Variants in PPP1R9A observed in about 807,000 individuals in gnomAD.
PPP1R9A encodes protein phosphatase 1 regulatory subunit 9A.
PPP1R9A carries 59 observed loss-of-function variants against 141.9 expected under a neutral mutation model. That is an observed-to-expected ratio of 0.42 (90% CI 0.34 to 0.52). The LOEUF (loss-of-function observed/expected upper bound fraction) is 0.52. PPP1R9A is among the 20% of genes least tolerant of loss of function. The pLI is 0.10. For missense variants in PPP1R9A, 1,444 were observed against 1,611.9 expected (o/e 0.90, Z 1.78); for synonymous variants, 500 against 569.7 (o/e 0.88, Z 1.74).
At chr7:95,021,072 C>G (rs998622876) in intron 2 of PPP1R9A, among the ~76,000 whole-genome samples, 3 of 152,200 alleles carry the variant, frequency 2.0e-5, no homozygotes, top group African/African-American at 7.2e-5. Flanking sequence ...AATGGTTGAA[C>G]TAATTTACAC....
chr7:94,938,567 T>C (rs947898945), intron 2 of PPP1R9A, among the ~76,000 whole-genome samples: 8 of 152,158 alleles, frequency 5.3e-5, no homozygotes, highest in African/African-American at 1.7e-4. Flanking sequence ...CTAGCTCTTA[T>C]CTTTTTTTTC....
At chr7:95,148,318 G>GA (rs1828012857) in intron 4 of PPP1R9A, among the ~76,000 whole-genome samples, 1 of 151,758 alleles carries the variant, frequency 6.6e-6, no homozygotes, top group African/African-American at 2.4e-5. Context: ...ACCAGGCTAA[G>GA]AAAAAAAGAG....
chr7:95,092,527 G>A (rs924231901), intron 2 of PPP1R9A, among the ~76,000 whole-genome samples: 2 of 152,250 alleles, frequency 1.3e-5, no homozygotes, highest in Middle Eastern at 6.8e-3. Flanking sequence ...ATCTTGAACA[G>A]CTGTTTGAAT....
chr7:94,937,103 A>G (rs535455258), intron 2 of PPP1R9A, among the ~76,000 whole-genome samples: 12 of 152,168 alleles, frequency 7.9e-5, no homozygotes, highest in African/African-American at 2.9e-4. Flanking sequence ...ATTGATGGAT[A>G]TTAGATTATT....
intron 2 of PPP1R9A, among the ~76,000 whole-genome samples, chr7:94,934,428 C>T (rs1794520290): frequency 6.6e-6 from 1 of 152,098 alleles, no homozygotes; most frequent in Non-Finnish European, 1.5e-5. Context: ...GAGAGCTTCT[C>T]AACCTTTATT....
chr7:95,184,973 G>A (rs1585134093), intron 5 of PPP1R9A, among the ~76,000 whole-genome samples: 1 of 150,466 alleles, frequency 6.6e-6, no homozygotes, highest in East Asian at 1.9e-4. Context: ...TCTTTTGTCT[G>A]TGTAGCTACC....
At chr7:94,913,414 A>C (rs1791689029) in intron 2 of PPP1R9A, among the ~76,000 whole-genome samples, 1 of 152,196 alleles carries the variant, frequency 6.6e-6, no homozygotes, top group African/African-American at 2.4e-5. Flanking sequence ...GCAAATAATG[A>C]AACATTACCT....
rs569049887 is a variant in PPP1R9A at position 95,290,386 on chromosome 7, A to C, written c.*83A>C. 1 of 1,412,252 alleles carries C rather than the reference A, an allele frequency of 7.1e-7. No individual in the cohort carries two copies. The highest frequency in any genetic ancestry group is 9.5e-7 in the Non-Finnish European group (1 of 1,051,762). 87.5% of individuals were successfully genotyped at this position (1,412,252 alleles called of 1,614,324 possible). ...CCCTGCTCTCCTCCAGAGGATGAAA[A>C]AGAAACTAAATGATAAGGGTAATGC... On this transcript the variant is annotated 3_prime_UTR_variant, in exon 20 of 20. Coordinates refer to ENST00000433360, the MANE Select transcript of PPP1R9A (RefSeq NM_001166160.2).
intron 5 of PPP1R9A, among the ~76,000 whole-genome samples, chr7:95,187,877 A>G (rs186332904): frequency 2.4e-4 from 36 of 152,170 alleles, no homozygotes; most frequent in Admixed American, 1.8e-3. Flanking sequence ...CACTGGATAT[A>G]ATTTTGATTT....
chr7:94,967,290 A>T lies in PPP1R9A; in HGVS notation c.1395+55782A>T, dbSNP rs181159251. Among the ~76,000 whole-genome samples the T allele has an allele frequency of 3.6e-3, 545 of 151,520 alleles. 4 individuals are homozygous for T. Among genetic ancestry groups the T allele is most frequent in the Middle Eastern group, 0.024 (7 of 294 alleles). ...TCCTGGATTCATTGATTTTTTTTTG[A>T]AGGGTTTTTCATGTCTCTGTCTCCT... On this transcript the variant is annotated intron_variant, in intron 2 of 19. Transcript: ENST00000433360.
Position 95,120,814 on chromosome 7 carries a change from C to A in PPP1R9A, c.1631C>A (p.Ala544Asp). ...GTCAAGACAGTAACAGAAGGTGGTGCTGCTCAACGGGATGGCAGGTAAATT... is the reference window on the plus strand; with the variant it reads ...GTCAAGACAGTAACAGAAGGTGGTGATGCTCAACGGGATGGCAGGTAAATT... ...IFVKTVTEGG[A>D]AQRDGRIQVN... The change falls in exon 4 of 20, where the codon GCT becomes GAT. Residue 544 changes from alanine (A) to aspartate (D), a missense_variant. Around this residue, in one of 5 missense-constraint regions of PPP1R9A, gnomAD observed 488 missense variants for 542.0 expected, o/e 0.90. Transcript: ENST00000433360. The A allele has an allele frequency of 6.2e-7, 1 of 1,613,408 alleles. No individual in the cohort carries two copies. Among genetic ancestry groups the A allele is most frequent in the Non-Finnish European group, 8.5e-7 (1 of 1,179,674 alleles).
chr7:94,997,010 G>A (rs1261070367), intron 2 of PPP1R9A, among the ~76,000 whole-genome samples: 1 of 151,950 alleles, frequency 6.6e-6, no homozygotes, highest in South Asian at 2.1e-4. Flanking sequence ...CACCATGTTG[G>A]TCAGGCTGGT....
intron 2 of PPP1R9A, among the ~76,000 whole-genome samples, chr7:95,004,232 TA>T (rs2151550023): frequency 6.6e-6 from 1 of 152,202 alleles, no homozygotes; most frequent in South Asian, 2.1e-4. Context: ...CACTTCAAAC[TA>T]AAGATATATA....
chr7:95,260,553 C>T (rs1800274661), intron 12 of PPP1R9A, among the ~76,000 whole-genome samples: 1 of 151,954 alleles, frequency 6.6e-6, no homozygotes, highest in South Asian at 2.1e-4. Context: ...GTGGTGGGCA[C>T]CTGTAATCCC....
intron 4 of PPP1R9A, among the ~76,000 whole-genome samples, chr7:95,140,480 T>C (rs1423046052): frequency 6.6e-6 from 1 of 152,178 alleles, no homozygotes; most frequent in Non-Finnish European, 1.5e-5. Context: ...AGCCTTTGCC[T>C]CCTGGGTTCA....
intron 4 of PPP1R9A, among the ~76,000 whole-genome samples, chr7:95,157,356 G>A (rs1330256504): frequency 6.6e-6 from 1 of 152,124 alleles, no homozygotes; most frequent in East Asian, 1.9e-4. Flanking sequence ...CAAAAGTAAA[G>A]GGAAGCTCCA....
At chr7:95,023,348 A>G (rs529268801) in intron 2 of PPP1R9A, among the ~76,000 whole-genome samples, 385 of 151,808 alleles carry the variant, frequency 2.5e-3, no homozygotes, top group Non-Finnish European at 4.4e-3. Context: ...TTTTAATTGC[A>G]TCTATTTGAT....
At chr7:94,972,014 C>G (rs1798906212) in intron 2 of PPP1R9A, among the ~76,000 whole-genome samples, 1 of 152,132 alleles carries the variant, frequency 6.6e-6, no homozygotes, top group South Asian at 2.1e-4. Flanking sequence ...AACTTATTAC[C>G]CAGTTTGTAT....
At chr7:94,964,362 T>C (rs1282460552) in intron 2 of PPP1R9A, among the ~76,000 whole-genome samples, 1 of 152,202 alleles carries the variant, frequency 6.6e-6, no homozygotes, top group Non-Finnish European at 1.5e-5. Flanking sequence ...ATTTATACTT[T>C]AAGTTCTGGG....
Sources: gnomAD v4.1 joint callset for allele counts (sites outside exome capture counted in the v4.1 genomes callset) on GRCh38, gnomAD v4.1.1 for gene constraint, gnomAD v4.1.1 regional missense constraint, MANE v1.5 for transcripts, NCBI Gene and HGNC (gene_info 2026-07-23, HGNC 2026-07-21) for gene names.